The following SGSM1 variants were observed in gnomAD, a reference collection of about 807,000 sequenced individuals.
The protein encoded by SGSM1 is small G protein signaling modulator 1.
SGSM1 carries 73 observed loss-of-function variants against 133.8 expected under a neutral mutation model. The observed-to-expected ratio is 0.55, with a 90% CI of 0.45 to 0.66. The LOEUF (loss-of-function observed/expected upper bound fraction) is 0.66. SGSM1 is among the 30% of genes least tolerant of loss of function. The pLI, the probability that SGSM1 is intolerant of heterozygous loss-of-function variation, is 0.00. For synonymous variants in SGSM1, 563 were observed against 573.0 expected, an observed-to-expected ratio of 0.98 and a Z score of 0.25; for missense variants, 1,213 against 1,448.1, an observed-to-expected ratio of 0.84 and a Z score of 2.64.
chr22:24,831,313 C>T (rs1258703103), intron 2 of SGSM1, among the ~76,000 whole-genome samples: 1 of 151,932 alleles, frequency 6.6e-6, no homozygotes, highest in Admixed American at 6.6e-5. Context: ...GCCAGCCCTG[C>T]GGGGAGTTCC....
chr22:24,869,621 T>C (rs940608786), intron 12 of SGSM1, among the ~76,000 whole-genome samples: 7 of 152,192 alleles, frequency 4.6e-5, no homozygotes, highest in Non-Finnish European at 1.0e-4. Flanking sequence ...TACTTCCCCT[T>C]TTATAAAGAT....
At chr22:24,889,219 C>CAA (rs1932760016) in intron 16 of SGSM1, among the ~76,000 whole-genome samples, 1 of 152,048 alleles carries the variant, frequency 6.6e-6, no homozygotes, top group African/African-American at 2.4e-5. Context: ...CTTGGCCTCC[C>CAA]AAAGTGCTGG....
chr22:24,824,502 C>G (rs1169305982), intron 2 of SGSM1, among the ~76,000 whole-genome samples: 1 of 152,074 alleles, frequency 6.6e-6, no homozygotes, highest in East Asian at 1.9e-4. Flanking sequence ...ATCACCAGCC[C>G]CATTCCAACC....
rs201092835 is a variant in SGSM1, at chr22:24,893,501, G to A, written c.1841G>A (p.Arg614Gln). The change falls in exon 17 of 25, where the codon CGG becomes CAG. Residue 614 changes from arginine (R) to glutamine (Q), a missense_variant. Coordinates refer to ENST00000400358, the MANE Select transcript of SGSM1 (RefSeq NM_001098497.3). ...AEWLGCEAIV[R>Q]QRERESHAAA... Reference sequence around the variant, plus strand: ...TGGCTGGGCTGCGAGGCGATCGTGCGGCAGAGGGAGCGGGAGTCCCATGCG... The same window carrying A: ...TGGCTGGGCTGCGAGGCGATCGTGCAGCAGAGGGAGCGGGAGTCCCATGCG... 35 of 1,613,632 alleles carry A rather than the reference G, an allele frequency of 2.2e-5. No homozygotes were observed. Among genetic ancestry groups the A allele is most frequent in the Middle Eastern group, 3.3e-4 (2 of 6,062 alleles).
intron 2 of SGSM1, among the ~76,000 whole-genome samples, chr22:24,829,271 C>A (rs1302530366): frequency 1.3e-5 from 2 of 151,706 alleles, no homozygotes; most frequent in Non-Finnish European, 2.9e-5. Flanking sequence ...CCTTAGCAGA[C>A]TAATGCAAAG....
chr22:24,828,464 A>G (rs1296665059), intron 2 of SGSM1, among the ~76,000 whole-genome samples: 1 of 152,228 alleles, frequency 6.6e-6, no homozygotes, highest in Non-Finnish European at 1.5e-5. Context: ...ATGAACAGAC[A>G]CTTCGCTAAA....
At chr22:24,888,907 CAT>C (rs971242360) in intron 16 of SGSM1, among the ~76,000 whole-genome samples, 6 of 146,964 alleles carry the variant, frequency 4.1e-5, no homozygotes, top group Admixed American at 1.4e-4. Context: ...TATTGTAACA[CAT>C]GTGTAATTTT....
At chr22:24,868,299 T>A in intron 10 of SGSM1, 77 bp from the exon 11 acceptor site, 1 of 1,537,662 alleles carries the variant, frequency 6.5e-7, no homozygotes, top group Non-Finnish European at 8.8e-7. Context: ...CCCTGGGGGA[T>A]GTGCTTGCAG....
In SGSM1 at chr22:24,879,471, G is replaced by GA; in HGVS notation, c.1443dup (p.Leu482ThrfsTer4). The GA allele has an allele frequency of 6.2e-7, 1 of 1,613,768 alleles. No homozygotes were observed. The highest frequency in any genetic ancestry group is 8.5e-7 in the Non-Finnish European group (1 of 1,179,836). On this transcript the variant is annotated frameshift_variant, in exon 14 of 25. Coordinates refer to ENST00000400358, the MANE Select transcript of SGSM1 (RefSeq NM_001098497.3). LOFTEE classifies it high-confidence loss of function. The stretch of plus-strand genomic sequence containing the variant: ...CTTTCTCCACCTGCAGGGCTCCCCT[G>GA]AAACTTCTCTGTGACAATATGAAGT...
intron 19 of SGSM1, among the ~76,000 whole-genome samples, chr22:24,900,549 A>G (rs1022501789): frequency 1.3e-5 from 2 of 151,544 alleles, no homozygotes; most frequent in African/African-American, 4.9e-5. Context: ...ACAAGCACGC[A>G]CCCACGCCCG....
At chr22:24,846,820 G>GT (rs1930176540) in intron 3 of SGSM1, among the ~76,000 whole-genome samples, 1 of 151,408 alleles carries the variant, frequency 6.6e-6, no homozygotes, top group Non-Finnish European at 1.5e-5. Flanking sequence ...GGCAATATTT[G>GT]TTTTTTTGTT....
At chr22:24,923,661 T>C (rs1197955434) in intron 24 of SGSM1, among the ~76,000 whole-genome samples, 2 of 152,094 alleles carry the variant, frequency 1.3e-5, no homozygotes, top group Non-Finnish European at 2.9e-5. Flanking sequence ...TCGCTCTTGT[T>C]GCCCAGGCTG....
chr22:24,876,823 A>G (rs1204102111), intron 13 of SGSM1, 108 bp downstream of exon 13: 2 of 1,423,412 alleles, frequency 1.4e-6, no homozygotes, highest in Admixed American at 2.0e-5. Flanking sequence ...TAACCTGCGG[A>G]CTCAGGCAGA....
At chr22:24,832,940 C>CTT (rs376040633) in intron 2 of SGSM1, among the ~76,000 whole-genome samples, 1 of 146,834 alleles carries the variant, frequency 6.8e-6, no homozygotes, top group African/African-American at 2.5e-5. Context: ...TAAATTTCCT[C>CTT]TTTTTTTTTT....
At chr22:24,874,602 C>T in intron 12 of SGSM1, 1 of 1,559,890 alleles carries the variant, frequency 6.4e-7, no homozygotes, top group East Asian at 2.3e-5. Context: ...ATCTCCCCGT[C>T]CCCAGGGGCT....
chr22:24,867,699 C>CA (rs1569155282), intron 10 of SGSM1, among the ~76,000 whole-genome samples: 1 of 152,130 alleles, frequency 6.6e-6, no homozygotes, highest in Non-Finnish European at 1.5e-5. Context: ...AAAGTACAGT[C>CA]AGAGTAAGCA....
At chr22:24,907,313 A>G (rs1422140133) in intron 21 of SGSM1, among the ~76,000 whole-genome samples, 1 of 151,746 alleles carries the variant, frequency 6.6e-6, no homozygotes, top group Non-Finnish European at 1.5e-5. Context: ...ATAAAAGAAT[A>G]CAATACTTAT....
rs559567887 is a variant in SGSM1 at position 24,888,662 on chromosome 22, C to A, written c.1770+1934C>A. On this transcript the variant is annotated intron_variant, in intron 16 of 24. Transcript: ENST00000400358. The stretch of plus-strand genomic sequence containing the variant: ...GGCATGGTGGCGGGCGCCTGTAGTC[C>A]CAGCTACTCAGGAGGCTGAGGCAGA... 3.9e-5 allele frequency among the ~76,000 whole-genome samples: 6 copies of A among 152,074 alleles called. No homozygotes were observed. In the South Asian group the frequency reaches 1.2e-3, roughly 32 times the overall value.
intron 12 of SGSM1, among the ~76,000 whole-genome samples, chr22:24,875,162 A>G (rs1255489575): frequency 1.3e-5 from 2 of 152,152 alleles, no homozygotes; most frequent in Non-Finnish European, 2.9e-5. Flanking sequence ...GACATATGGG[A>G]AAAAAAGTGT....
Sources: gnomAD v4.1 joint callset for allele counts (sites outside exome capture counted in the v4.1 genomes callset) on GRCh38, gnomAD v4.1.1 for gene constraint, MANE v1.5 for transcripts, NCBI Gene and HGNC (gene_info 2026-07-23, HGNC 2026-07-21) for gene names.